KCTD20: variants seen among roughly 807,000 people sequenced by gnomAD.
The protein encoded by KCTD20 is BTB/POZ domain-containing protein KCTD20.
A neutral mutation model predicts 39.6 loss-of-function variants in KCTD20; 30 were observed. The observed-to-expected ratio is 0.76, with a 90% confidence interval of 0.57 to 1.03. The LOEUF is 1.03. KCTD20 is among the 50% of genes least tolerant of loss of function. The pLI is 0.00. For synonymous variants in KCTD20, 162 were observed against 180.6 expected, an observed-to-expected ratio of 0.90 and a Z score of 0.83; for missense variants, 422 against 522.0, an observed-to-expected ratio of 0.81 and a Z score of 1.87.
intron 1 of KCTD20, among the ~76,000 whole-genome samples, chr6:36,448,435 T>C (rs1470678090): frequency 6.6e-6 from 1 of 152,188 alleles, no homozygotes; most frequent in Non-Finnish European, 1.5e-5. Context: ...ACAGTACATA[T>C]CTTAAAATTA....
At chr6:36,474,090 TTATTA>T (rs1345005872) in intron 2 of KCTD20, among the ~76,000 whole-genome samples, 13 of 152,210 alleles carry the variant, frequency 8.5e-5, no homozygotes, top group Non-Finnish European at 1.5e-5. Context: ...TTGTTTTGTT[TTATTA>T]TAAGTTTTAG....
At chr6:36,444,379 A>G (rs1251017260) in intron 1 of KCTD20, among the ~76,000 whole-genome samples, 1 of 152,230 alleles carries the variant, frequency 6.6e-6, no homozygotes, top group East Asian at 1.9e-4. Context: ...GAGAAAAGAT[A>G]GTGCTTTTTT....
intron 2 of KCTD20, among the ~76,000 whole-genome samples, chr6:36,474,225 T>TC (rs1433745873): frequency 1.8e-4 from 14 of 76,908 alleles, no homozygotes; most frequent in African/African-American, 6.4e-4. Context: ...CCCTCCCCCC[T>TC]CCCCCCACCC....
At chr6:36,481,885 CA>C (rs1776262020) in intron 6 of KCTD20, 126 bp downstream of exon 6, 1 of 776,116 alleles carries the variant, frequency 1.3e-6, no homozygotes, top group Admixed American at 2.2e-5. Flanking sequence ...ACCTGGATGA[CA>C]AATCCCTAGT....
At chr6:36,480,583 CAA>C (rs977894641) in intron 5 of KCTD20, among the ~76,000 whole-genome samples, 12 of 151,680 alleles carry the variant, frequency 7.9e-5, no homozygotes, top group East Asian at 1.9e-4. Flanking sequence ...GTTTTGGAGA[CAA>C]GAGTCTCGTT....
At position 36,474,830 on chromosome 6, in the gene KCTD20, T is replaced by G. The variant is rs1776014211; in HGVS notation, c.202T>G (p.Phe68Val). ...DYASQPANLQ[F>V]PHIMPLAEDI... is the part of the protein sequence containing the mutation. ...TGCCTCTCAGCCAGCAAATCTTCAGTTCCCTCACATAATGCCCCTTGCTGA... is the reference window on the plus strand; with the variant it reads ...TGCCTCTCAGCCAGCAAATCTTCAGGTCCCTCACATAATGCCCCTTGCTGA... The change falls in exon 3 of 8, where the codon TTC becomes GTC. Residue 68 changes from phenylalanine to valine, a missense_variant. By Grantham distance (50) the Phe-to-Val change is conservative. Transcript: ENST00000373731. The G allele has an allele frequency of 6.2e-7, 1 of 1,613,344 alleles. No homozygotes were observed. The highest frequency in any genetic ancestry group is 1.1e-5 in the South Asian group (1 of 91,030).
chr6:36,460,300 C>T (rs1215649738), intron 1 of KCTD20, among the ~76,000 whole-genome samples: 4 of 146,802 alleles, frequency 2.7e-5, no homozygotes, highest in Non-Finnish European at 3.0e-5. Context: ...GAAGTTACAG[C>T]AGAATTAGAT....
intron 1 of KCTD20, among the ~76,000 whole-genome samples, chr6:36,468,713 TAAGA>T (rs1389627458): frequency 6.6e-6 from 1 of 152,242 alleles, no homozygotes; most frequent in African/African-American, 2.4e-5. Context: ...ACTTTATTTT[TAAGA>T]AAGGATAATT....
At chr6:36,485,572 C>T (rs2127458199) in intron 7 of KCTD20, among the ~76,000 whole-genome samples, 1 of 149,056 alleles carries the variant, frequency 6.7e-6, no homozygotes, top group South Asian at 2.2e-4. Flanking sequence ...CAGCTCACTG[C>T]CAGCTCCGCC....
rs940490901 is a variant in KCTD20, at chr6:36,458,875, T to C, written c.-46-11177T>C. ...AAAAAATTAGCCAGGCATGGTGGCA[T>C]GTATCTGTGGTTCCAGCTACTTGGG... On this transcript the variant is annotated intron_variant, in intron 1 of 7. Transcript: ENST00000373731. 2.0e-5 allele frequency among the ~76,000 whole-genome samples: 3 copies of C among 151,938 alleles called. No homozygotes were observed. The East Asian group carries it at 5.9e-4, about 30-fold the overall frequency.
intron 1 of KCTD20, among the ~76,000 whole-genome samples, chr6:36,456,957 C>A (rs1238557854): frequency 2.0e-5 from 3 of 152,200 alleles, no homozygotes. Flanking sequence ...GCCACCATGC[C>A]TGGCTAATTT....
Position 36,470,095 on chromosome 6 carries a change from A to C in KCTD20, c.-3A>C, listed in dbSNP as rs1775866624. On this transcript the variant is annotated 5_prime_UTR_variant, in exon 2 of 8. Transcript: ENST00000373731. The stretch of plus-strand genomic sequence containing the variant: ...CGGACAGTTCAGGACTCAGAATCTA[A>C]GGATGAATGTTCACCGTGGCAGTGA... 1.2e-6 allele frequency: 2 copies of C among 1,611,572 alleles called. No homozygotes were observed. The highest frequency in any genetic ancestry group is 1.7e-6 in the Non-Finnish European group (2 of 1,178,310).
chr6:36,489,473 T>G lies in KCTD20; in HGVS notation c.*2298T>G, dbSNP rs1776521868. On this transcript the variant is annotated 3_prime_UTR_variant, in exon 8 of 8. Transcript: ENST00000373731. ...CGGTAGGCTTTCTAGTGTCACGAGG[T>G]GGTGGTGACTGAAGGAAAAGCTGGG... 1 of 152,042 alleles carries G rather than the reference T, an allele frequency of 6.6e-6. No individual in the cohort carries two copies. Among genetic ancestry groups the G allele is most frequent in the African/African-American group, 2.4e-5 (1 of 41,392 alleles). 9.4% of individuals were successfully genotyped at this position (152,042 alleles called of 1,614,324 possible).
chr6:36,450,709 GAAT>G (rs1439441336), intron 1 of KCTD20, among the ~76,000 whole-genome samples: 1 of 152,072 alleles, frequency 6.6e-6, no homozygotes, highest in South Asian at 2.1e-4. Flanking sequence ...TTAGCCTACT[GAAT>G]AATGTGCTTG....
chr6:36,461,054 T>C (rs969861402), intron 1 of KCTD20, among the ~76,000 whole-genome samples: 1 of 152,178 alleles, frequency 6.6e-6, no homozygotes, highest in African/African-American at 2.4e-5. Flanking sequence ...GCATGATATG[T>C]GTTAAATCAA....
chr6:36,481,824 G>T, intron 6 of KCTD20, 65 bp downstream of exon 6: 1 of 1,368,272 alleles, frequency 7.3e-7, no homozygotes, highest in South Asian at 1.2e-5. Flanking sequence ...GTAGCAGCTT[G>T]ATCCTAGAAC....
chr6:36,472,075 C>T (rs1721021652), intron 2 of KCTD20, among the ~76,000 whole-genome samples: 1 of 152,166 alleles, frequency 6.6e-6, no homozygotes, highest in Admixed American at 6.5e-5. Flanking sequence ...GTCTCGATCT[C>T]CTGACCTCAT....
Position 36,469,590 on chromosome 6 carries a change from T to C in KCTD20, c.-46-462T>C, listed in dbSNP as rs944812011. ...TAGCTTTTTTCTTCAGCTCAGATGA[T>C]TCTCACACTGGCTTTAAGGTTGTGA... On this transcript the variant is annotated intron_variant, in intron 1 of 7. Coordinates refer to ENST00000373731, the MANE Select transcript of KCTD20 (RefSeq NM_173562.5). The surrounding 1 kb of genome is among the most constrained non-coding windows in gnomAD (Gnocchi z 4.6). Among the ~76,000 whole-genome samples the C allele has an allele frequency of 4.6e-5, 7 of 152,246 alleles. No homozygotes were observed. Among genetic ancestry groups the C allele is most frequent in the African/African-American group, 1.7e-4 (7 of 41,472 alleles).
At chr6:36,448,660 C>T (rs1481060357) in intron 1 of KCTD20, among the ~76,000 whole-genome samples, 6 of 152,180 alleles carry the variant, frequency 3.9e-5, no homozygotes, top group African/African-American at 1.4e-4. Flanking sequence ...TCTTCTGAGG[C>T]CTCTGTTTGA....
Sources: allele counts gnomAD v4.1 joint callset (sites outside exome capture counted in the v4.1 genomes callset), GRCh38; gene constraint gnomAD v4.1.1; non-coding constraint Gnocchi (gnomAD v3.1); transcripts MANE v1.5; gene names NCBI Gene and HGNC (gene_info 2026-07-23, HGNC 2026-07-21).